The following ANAPC1 variants were observed in gnomAD, a reference collection of about 807,000 sequenced individuals.
ANAPC1 encodes anaphase promoting complex subunit 1, also known as anaphase-promoting complex subunit 1.
In ANAPC1, 36 loss-of-function variants were observed where a neutral mutation model predicts 208.0. The ratio of observed to expected loss-of-function variants is 0.17; its 90% CI spans 0.13 to 0.23. The LOEUF (loss-of-function observed/expected upper bound fraction) is 0.23. ANAPC1 is among the 10% of genes least tolerant of loss of function. The probability of loss-of-function intolerance (pLI) is 1.00; values close to 1 mark genes in which losing one functional copy is unlikely to be tolerated. For missense variants in ANAPC1, 942 were observed against 2,011.6 expected (o/e 0.47, Z 10.17); for synonymous variants, 378 against 695.2 (o/e 0.54, Z 7.18).
intron 41 of ANAPC1, 22 bp from the exon 42 acceptor site, chr2:111,783,986 T>G: frequency 1.4e-6 from 1 of 693,210 alleles, no homozygotes. Context: ...AACGTAAACA[T>G]AGTCAACCCA....
intron 25 of ANAPC1, 83 bp from the exon 26 acceptor site, chr2:111,821,536 T>A (rs1679535305): frequency 1.4e-6 from 2 of 1,460,924 alleles, no homozygotes; most frequent in Non-Finnish European, 1.9e-6. Flanking sequence ...TAGGCTGATG[T>A]GTCTTGACTA....
chr2:111,853,473 C>G (rs1330052961), intron 13 of ANAPC1, among the ~76,000 whole-genome samples: 2 of 151,542 alleles, frequency 1.3e-5, no homozygotes, highest in Non-Finnish European at 2.9e-5. Context: ...CAATTCTGTT[C>G]AGGTTTAATC....
intron 3 of ANAPC1, among the ~76,000 whole-genome samples, chr2:111,875,008 G>A (rs559117065): frequency 6.6e-6 from 1 of 152,258 alleles, no homozygotes; most frequent in East Asian, 1.9e-4. Context: ...TTGAGAAATC[G>A]CCAAACTTTT....
At chr2:111,830,234 C>T (rs1252833588) in intron 21 of ANAPC1, among the ~76,000 whole-genome samples, 1 of 152,122 alleles carries the variant, frequency 6.6e-6, no homozygotes, top group Non-Finnish European at 1.5e-5. Context: ...AACAGACACA[C>T]AAGAATGTGG....
At chr2:111,826,959 A>G (rs189357515) in intron 21 of ANAPC1, among the ~76,000 whole-genome samples, 139 of 152,304 alleles carry the variant, frequency 9.1e-4, no homozygotes, top group Non-Finnish European at 1.7e-3. Flanking sequence ...CCCCAAAGAC[A>G]TTCACATACA....
intron 2 of ANAPC1, among the ~76,000 whole-genome samples, chr2:111,879,732 C>T (rs1198611545): frequency 1.3e-5 from 2 of 151,882 alleles, no homozygotes; most frequent in South Asian, 2.1e-4. Context: ...ATTAGCTGGG[C>T]GTGGTGGCAC....
At chr2:111,872,741 G>A (rs1178689249) in intron 5 of ANAPC1, 29 bp from the exon 6 acceptor site, 3 of 1,444,384 alleles carry the variant, frequency 2.1e-6, no homozygotes, top group Admixed American at 1.7e-5. Flanking sequence ...GGAAAAGATA[G>A]AAGTAAGAGA....
rs1389889584 is a variant in ANAPC1 at position 111,838,467 on chromosome 2, C to T, written c.2086G>A (p.Ala696Thr). The T allele has an allele frequency of 1.2e-6, 2 of 1,607,498 alleles. No individual in the cohort carries two copies. Among genetic ancestry groups the T allele is most frequent in the Non-Finnish European group, 8.5e-7 (1 of 1,178,190 alleles). ...TCAGATCCAGTCTCGGAAGGCCTTG[C>T]TTTTTTGGGCGCAATGACAGGAGAA... Reference protein sequence around the residue: ...SLSPVIAPKKARPSETGSDDD... With the variant: ...SLSPVIAPKKTRPSETGSDDD... The change falls in exon 18 of 48, where the codon GCA becomes ACA. Residue 696 changes from alanine (A) to threonine (T), a missense_variant. By Grantham distance (58) the Ala-to-Thr change is moderately conservative. Transcript: ENST00000341068.
chr2:111,837,565 C>T (rs1303066078), intron 18 of ANAPC1, among the ~76,000 whole-genome samples: 3 of 151,736 alleles, frequency 2.0e-5, no homozygotes, highest in Admixed American at 6.6e-5. Context: ...GAGCCGACAT[C>T]GTGCCACTGC....
intron 27 of ANAPC1, among the ~76,000 whole-genome samples, chr2:111,816,709 G>A (rs1024301510): frequency 7.1e-6 from 1 of 141,400 alleles, no homozygotes; most frequent in South Asian, 2.3e-4. Context: ...CCATTTCACT[G>A]CAGCTTTAAA....
intron 16 of ANAPC1, among the ~76,000 whole-genome samples, chr2:111,846,742 G>A (rs925565822): frequency 2.0e-5 from 3 of 151,296 alleles, no homozygotes; most frequent in Admixed American, 1.3e-4. Flanking sequence ...GCTGATTTTT[G>A]TATTTTTAGT....
rs1181626034 is a variant in ANAPC1 at position 111,838,480 on chromosome 2, A to G, written c.2073T>C (p.Ile691=). Residue 691 remains isoleucine, a synonymous_variant, in exon 18 of 48, where the codon ATT becomes ATC. Transcript: ENST00000341068. The part of the protein sequence containing the change: ...FDFEGSLSPV[I]APKKARPSET... ...CGGAAGGCCTTGCTTTTTTGGGCGC[A>G]ATGACAGGAGAAAGTGATCCTTCAA... is the stretch of plus-strand genomic sequence containing the variant. 1 of 1,607,562 alleles carries G rather than the reference A, an allele frequency of 6.2e-7. No homozygotes were observed. Among genetic ancestry groups the G allele is most frequent in the East Asian group, 2.2e-5 (1 of 44,728 alleles).
intron 3 of ANAPC1, among the ~76,000 whole-genome samples, chr2:111,876,583 A>C (rs1683036519): frequency 6.6e-6 from 1 of 152,200 alleles, no homozygotes; most frequent in South Asian, 2.1e-4. Context: ...CATCAAATGC[A>C]CTTTTCACAT....
chr2:111,875,060 G>A (rs1315705137), intron 3 of ANAPC1, among the ~76,000 whole-genome samples: 1 of 152,196 alleles, frequency 6.6e-6, no homozygotes, highest in African/African-American at 2.4e-5. Context: ...ATGCACAGGA[G>A]TTCCAATTTC....
chr2:111,800,429 TA>T (rs1678385502), intron 34 of ANAPC1, among the ~76,000 whole-genome samples: 2 of 135,294 alleles, frequency 1.5e-5, no homozygotes, highest in African/African-American at 5.7e-5. Context: ...TTAGGAGATC[TA>T]AAATTGTCAC....
At chr2:111,824,143 G>C (rs1039036014) in intron 24 of ANAPC1, among the ~76,000 whole-genome samples, 3 of 148,026 alleles carry the variant, frequency 2.0e-5, no homozygotes, top group African/African-American at 7.4e-5. Context: ...TAAATATTAT[G>C]CAATATACAA....
At chr2:111,830,220 C>T (rs1011971384) in intron 21 of ANAPC1, among the ~76,000 whole-genome samples, 4 of 152,112 alleles carry the variant, frequency 2.6e-5, no homozygotes, top group African/African-American at 9.7e-5. Context: ...ATAGAAAGTC[C>T]AGAAACAGAC....
In ANAPC1 at chr2:111,859,312, G is replaced by A. The variant is rs188035490; in HGVS notation, c.1263-911C>T. Among the ~76,000 whole-genome samples the A allele has an allele frequency of 5.6e-3, 849 of 151,948 alleles. 14 individuals are homozygous for A. Among genetic ancestry groups the A allele is most frequent in the African/African-American group, 0.019 (769 of 41,420 alleles). ...AGCCTGACCAACATGGAGAAACCCC[G>A]TCTCTACTAAAAATACAAAATTAGC... On this transcript the variant is annotated intron_variant, in intron 10 of 47. Coordinates refer to ENST00000341068, the MANE Select transcript of ANAPC1 (RefSeq NM_022662.4).
rs561738861 is a variant in ANAPC1, at chr2:111,882,064, G to T, written c.-24-1215C>A. On this transcript the variant is annotated intron_variant, in intron 1 of 47. Transcript: ENST00000341068. ...CTGGACTTGGTGGCGGGCACCTGTA[G>T]TCCCAGCTACTCGGGAGGCTGAGGC... Among the ~76,000 whole-genome samples, 6 of 152,040 alleles carry T rather than the reference G, an allele frequency of 3.9e-5. No individual in the cohort carries two copies. In the East Asian group the frequency reaches 1.2e-3, roughly 29 times the overall value.
Sources: gnomAD v4.1 joint callset for allele counts (sites outside exome capture counted in the v4.1 genomes callset) on GRCh38, gnomAD v4.1.1 for gene constraint, MANE v1.5 for transcripts, NCBI Gene and HGNC (gene_info 2026-07-23, HGNC 2026-07-21) for gene names.